The following HMCN1 variants were observed in gnomAD, a reference collection of about 807,000 sequenced individuals.
HMCN1 encodes hemicentin-1.
HMCN1 carries 321 observed loss-of-function variants against 625.9 expected under a neutral mutation model. The ratio of observed to expected loss-of-function variants is 0.51; its 90% CI spans 0.47 to 0.56. The LOEUF (loss-of-function observed/expected upper bound fraction) is 0.56, where lower values mean the gene tolerates loss of function less well. Among genes scored for constraint, HMCN1 ranks in the 20% least tolerant of loss-of-function variants. HMCN1 has a pLI of 0.00. For synonymous variants in HMCN1, 2,425 were observed against 2,417.6 expected (o/e 1.00, Z -0.09); for missense variants, 6,588 against 6,887.3 (o/e 0.96, Z 1.54).
chr1:185,792,591 T>G (rs1414272936), intron 1 of HMCN1, among the ~76,000 whole-genome samples: 1 of 152,220 alleles, frequency 6.6e-6, no homozygotes, highest in Non-Finnish European at 1.5e-5. Flanking sequence ...TAAAATTCAT[T>G]ATATGGATTA....
At chr1:186,099,188 T>C (rs1420353049) in intron 68 of HMCN1, among the ~76,000 whole-genome samples, 1 of 152,070 alleles carries the variant, frequency 6.6e-6, no homozygotes, top group Non-Finnish European at 1.5e-5. Context: ...AACTGATAAA[T>C]GTTTGAAGTG....
chr1:185,902,383 ATCTATCTATCTATCTATCTATC>A (rs1260125168), intron 4 of HMCN1, among the ~76,000 whole-genome samples: 2 of 140,610 alleles, frequency 1.4e-5, no homozygotes, highest in African/African-American at 3.0e-5. Flanking sequence ...CTATGTCTCT[ATCTATCTATCTATCTATCTATC>A]TCTATCTATC....
intron 40 of HMCN1, among the ~76,000 whole-genome samples, chr1:186,042,840 T>C (rs1656295378): frequency 6.6e-6 from 1 of 152,148 alleles, no homozygotes; most frequent in Non-Finnish European, 1.5e-5. Context: ...TAGAGCCTAA[T>C]GAATGTTAAT....
At chr1:185,833,508 CA>C (rs1173456207) in intron 1 of HMCN1, among the ~76,000 whole-genome samples, 1 of 152,134 alleles carries the variant, frequency 6.6e-6, no homozygotes, top group African/African-American at 2.4e-5. Flanking sequence ...GAAGATCTTA[CA>C]TTTTTTTAGT....
At chr1:185,840,643 C>T (rs965533086) in intron 1 of HMCN1, among the ~76,000 whole-genome samples, 5 of 152,168 alleles carry the variant, frequency 3.3e-5, no homozygotes, top group Non-Finnish European at 4.4e-5. Context: ...TGGCTCTTCT[C>T]AGATGCTGGT....
chr1:185,801,347 C>A (rs946859248), intron 1 of HMCN1, among the ~76,000 whole-genome samples: 2 of 152,154 alleles, frequency 1.3e-5, no homozygotes. Flanking sequence ...CCTTCTTCCA[C>A]TTATTTCATG....
intron 71 of HMCN1, among the ~76,000 whole-genome samples, chr1:186,112,290 TAAATG>T (rs889981898): frequency 1.3e-5 from 2 of 152,200 alleles, no homozygotes; most frequent in Non-Finnish European, 2.9e-5. Flanking sequence ...CAAACCAACT[TAAATG>T]AAAAGGAAAA....
At chr1:186,168,342 A>G (rs1042271475) in intron 100 of HMCN1, among the ~76,000 whole-genome samples, 18 of 151,830 alleles carry the variant, frequency 1.2e-4, no homozygotes, top group African/African-American at 4.4e-4. Context: ...AATCCCAGCT[A>G]CTTGGGAGGC....
At chr1:186,022,921 A>G in intron 35 of HMCN1, 109 bp from the exon 36 acceptor site, 9 of 1,135,890 alleles carry the variant, frequency 7.9e-6, no homozygotes, top group Non-Finnish European at 1.2e-5. Context: ...TATTGGCATG[A>G]AAATATTGTT....
At position 186,137,590 on chromosome 1, in the gene HMCN1, C is replaced by T. The variant is rs765344323; in HGVS notation, c.13675C>T (p.Pro4559Ser). The change falls in exon 88 of 107, where the codon CCC becomes TCC. Residue 4559 changes from proline (P) to serine (S), a missense_variant. This residue lies in a region of HMCN1 where 1,954 missense variants were observed against 2,013.1 expected (regional missense o/e 0.97). Coordinates refer to ENST00000271588, the MANE Select transcript of HMCN1 (RefSeq NM_031935.3). ...IQKRSRLCNQPLPANGGKPCQ... is the reference protein window; with the variant it reads ...IQKRSRLCNQSLPANGGKPCQ... ...AAAGAGGAGTCGTCTGTGCAACCAG[C>T]CCCTTCCAGCCAATGGTGGGAAGCC... is the stretch of plus-strand genomic sequence containing the variant. 1 of 1,613,950 alleles carries T rather than the reference C, an allele frequency of 6.2e-7. No homozygotes were observed. The highest frequency in any genetic ancestry group is 8.5e-7 in the Non-Finnish European group (1 of 1,179,954).
chr1:185,951,370 C>T (rs1668659559), intron 11 of HMCN1, among the ~76,000 whole-genome samples: 1 of 151,662 alleles, frequency 6.6e-6, no homozygotes, highest in South Asian at 2.1e-4. Context: ...GGTTTAGAAG[C>T]CTGGCCGTCA....
intron 1 of HMCN1, among the ~76,000 whole-genome samples, chr1:185,829,363 T>A (rs1462420180): frequency 6.6e-6 from 1 of 151,842 alleles, no homozygotes; most frequent in Non-Finnish European, 1.5e-5. Context: ...GCCATGGTGG[T>A]TTGCTGCACC....
intron 71 of HMCN1, among the ~76,000 whole-genome samples, chr1:186,111,614 G>A (rs74363305): frequency 0.013 from 1,967 of 152,130 alleles, 17 homozygotes; most frequent in Middle Eastern, 0.037. Context: ...CCACTACTGC[G>A]GCATGGGTGA....
chr1:186,166,125 A>G, intron 98 of HMCN1, 59 bp from the exon 99 acceptor site: 1 of 1,601,412 alleles, frequency 6.2e-7, no homozygotes, highest in Non-Finnish European at 8.5e-7. Flanking sequence ...TGGCTTTAAT[A>G]ACTCCCAGAA....
At chr1:185,989,829 T>G (rs1044503000) in intron 21 of HMCN1, among the ~76,000 whole-genome samples, 182 bp downstream of exon 21, 1 of 151,914 alleles carries the variant, frequency 6.6e-6, no homozygotes, top group African/African-American at 2.4e-5. Flanking sequence ...CCAAAATCAC[T>G]TCTACTTAGA....
rs1406717793 is a variant in HMCN1 at position 186,055,379 on chromosome 1, C to T, written c.6863-14C>T. The T allele has an allele frequency of 6.2e-7, 1 of 1,611,518 alleles. No individual in the cohort carries two copies. The highest frequency in any genetic ancestry group is 1.7e-5 in the Admixed American group (1 of 59,766). ...TTCCTCTTTTGTTTCTTTTTATCTT[C>T]CTCCAACCCTCAGTTAGACCAACCA... On this transcript the variant is annotated splice_polypyrimidine_tract_variant and intron_variant, in intron 44 of 106. Transcript: ENST00000271588.
chr1:186,185,902 A>T (rs1653269165), intron 105 of HMCN1, among the ~76,000 whole-genome samples: 1 of 152,194 alleles, frequency 6.6e-6, no homozygotes, highest in Non-Finnish European at 1.5e-5. Flanking sequence ...GTATCTCAGG[A>T]CCAATGCTAT....
At chr1:185,985,662 A>G (rs939688474) in intron 19 of HMCN1, among the ~76,000 whole-genome samples, 1 of 152,196 alleles carries the variant, frequency 6.6e-6, no homozygotes, top group Non-Finnish European at 1.5e-5. Flanking sequence ...CAATGGAGTT[A>G]AAAAATTAGT....
At chr1:185,883,407 C>T (rs1664431898) in intron 4 of HMCN1, among the ~76,000 whole-genome samples, 1 of 152,068 alleles carries the variant, frequency 6.6e-6, no homozygotes, top group South Asian at 2.1e-4. Context: ...CCCCCTTTCA[C>T]TCACTTCTGC....
Sources: gnomAD v4.1 joint callset for allele counts (sites outside exome capture counted in the v4.1 genomes callset) on GRCh38, gnomAD v4.1.1 for gene constraint, gnomAD v4.1.1 regional missense constraint, MANE v1.5 for transcripts, NCBI Gene and HGNC (gene_info 2026-07-23, HGNC 2026-07-21) for gene names.